Variants in REV1 observed in about 807,000 individuals in gnomAD.
REV1 encodes the protein REV1 DNA directed polymerase.
A neutral mutation model predicts 137.4 loss-of-function variants in REV1; 42 were observed. The observed-to-expected ratio is 0.31, with a 90% confidence interval of 0.24 to 0.40. REV1 has a LOEUF of 0.40. Among genes scored for constraint, REV1 ranks in the 10% least tolerant of loss-of-function variants. The probability of loss-of-function intolerance (pLI) is 1.00; values close to 1 mark genes in which losing one functional copy is unlikely to be tolerated. For missense variants in REV1, 1,282 were observed against 1,490.1 expected (o/e 0.86, Z 2.30); for synonymous variants, 524 against 519.2 (o/e 1.01, Z -0.12).
chr2:99,445,142 AAC>A (rs1487845106), intron 4 of REV1, among the ~76,000 whole-genome samples: 10 of 152,066 alleles, frequency 6.6e-5, no homozygotes, highest in Non-Finnish European at 1.0e-4. Context: ...AAAAAAAAAA[AAC>A]ACAAGGAATG....
In REV1 at chr2:99,429,902, T is replaced by C; in HGVS notation, c.1485A>G (p.Gln495=). The change falls in exon 9 of 23, where the codon CAA becomes CAG. Residue 495 remains glutamine (Q), a synonymous_variant. Coordinates refer to ENST00000258428, the MANE Select transcript of REV1 (RefSeq NM_016316.4). ...SSLWENPDSA[Q]ANGIDSVLSR... ...ACAAAACAGAATCAATTCCATTTGC[T>C]TGCGCAGAATCTGGATTCTCCCACA... is the stretch of plus-strand genomic sequence containing the variant. 6.2e-7 allele frequency: 1 copy of C among 1,603,728 alleles called. No homozygotes were observed. The highest frequency in any genetic ancestry group is 8.5e-7 in the Non-Finnish European group (1 of 1,175,430).
chr2:99,483,623 T>C (rs1389865868), intron 1 of REV1, among the ~76,000 whole-genome samples: 1 of 152,254 alleles, frequency 6.6e-6, no homozygotes, highest in East Asian at 1.9e-4. Context: ...TGCATTATAA[T>C]AGAGGACAAA....
intron 11 of REV1, among the ~76,000 whole-genome samples, chr2:99,421,082 CAG>C (rs1678601089): frequency 6.6e-6 from 1 of 152,134 alleles, no homozygotes. Context: ...CACTTGGAGT[CAG>C]GGTGACTTCT....
intron 2 of REV1, among the ~76,000 whole-genome samples, chr2:99,464,055 A>G (rs560536239): frequency 6.6e-6 from 1 of 152,358 alleles, no homozygotes; most frequent in East Asian, 1.9e-4. Flanking sequence ...GAATACAATG[A>G]ATGCTCCAGT....
intron 9 of REV1, among the ~76,000 whole-genome samples, chr2:99,427,613 T>C (rs1679555346): frequency 6.6e-6 from 1 of 152,172 alleles, no homozygotes; most frequent in African/African-American, 2.4e-5. Flanking sequence ...ATTTCTCTTA[T>C]GCAAATTGTT....
At chr2:99,432,022 T>C in intron 8 of REV1, 1 of 537,056 alleles carries the variant, frequency 1.9e-6, no homozygotes, top group African/African-American at 2.1e-5. Flanking sequence ...AAAACTGAAG[T>C]TGTCGATGGG....
intron 1 of REV1, among the ~76,000 whole-genome samples, chr2:99,469,819 G>A (rs1239859677): frequency 6.6e-6 from 1 of 151,990 alleles, no homozygotes; most frequent in African/African-American, 2.4e-5. Flanking sequence ...TCTACCCCGA[G>A]AATTATGTTT....
chr2:99,402,630 C>T lies in REV1; in HGVS notation c.3541+14G>A. The T allele has an allele frequency of 6.2e-7, 1 of 1,611,436 alleles. No homozygotes were observed. The highest frequency in any genetic ancestry group is 8.5e-7 in the Non-Finnish European group (1 of 1,178,214). On this transcript the variant is annotated intron_variant, in intron 21 of 22. Transcript: ENST00000258428. Reference sequence around the variant, plus strand: ...CATCTCAGCCTTGGGCCATCTAACACAGGCCAAGCCAACCTGAAATTGTAG... The same window carrying T: ...CATCTCAGCCTTGGGCCATCTAACATAGGCCAAGCCAACCTGAAATTGTAG...
At chr2:99,478,769 C>A (rs1354405677) in intron 1 of REV1, among the ~76,000 whole-genome samples, 1 of 152,186 alleles carries the variant, frequency 6.6e-6, no homozygotes, top group Admixed American at 6.5e-5. Context: ...AGATGCTGGG[C>A]CCCAACTCCA....
At chr2:99,465,543 G>C (rs1684698973) in intron 1 of REV1, among the ~76,000 whole-genome samples, 1 of 152,132 alleles carries the variant, frequency 6.6e-6, no homozygotes, top group Non-Finnish European at 1.5e-5. Context: ...TTCTCCTTAA[G>C]GCAACACTTA....
chr2:99,435,988 T>C (rs1680699009), intron 6 of REV1, 47 bp from the exon 7 acceptor site: 7 of 1,032,484 alleles, frequency 6.8e-6, no homozygotes, highest in African/African-American at 1.6e-5. Flanking sequence ...ATTTTTACTA[T>C]TTAAAACATC....
At chr2:99,484,150 C>T (rs913730977) in intron 1 of REV1, among the ~76,000 whole-genome samples, 2 of 152,140 alleles carry the variant, frequency 1.3e-5, no homozygotes, top group African/African-American at 4.8e-5. Context: ...CACATGTTCT[C>T]ACTTGCAAGT....
rs774388913 is a variant in REV1 at position 99,429,838 on chromosome 2, A to T, written c.1547+2T>A. 1 of 1,554,482 alleles carries T rather than the reference A, an allele frequency of 6.4e-7. No homozygotes were observed. Among genetic ancestry groups the T allele is most frequent in the East Asian group, 2.3e-5 (1 of 43,800 alleles). ...GAATTGTAACACACAACTTCTACAT[A>T]CCTGGCCTCATAACTACAAGATGCA... On this transcript the variant is annotated splice_donor_variant, in intron 9 of 22. Coordinates refer to ENST00000258428, the MANE Select transcript of REV1 (RefSeq NM_016316.4). LOFTEE classifies it high-confidence loss of function.
At chr2:99,463,604 T>C (rs1332477941) in intron 2 of REV1, among the ~76,000 whole-genome samples, 1 of 152,168 alleles carries the variant, frequency 6.6e-6, no homozygotes, top group Non-Finnish European at 1.5e-5. Context: ...AATTACAAAT[T>C]TGACAAGTGG....
At chr2:99,402,103 C>T (rs1675542556) in intron 22 of REV1, 141 bp downstream of exon 22, 1 of 542,016 alleles carries the variant, frequency 1.8e-6, no homozygotes, top group Non-Finnish European at 3.3e-6. Flanking sequence ...GCTACTTAGT[C>T]AACATGGCAA....
At chr2:99,467,569 T>C (rs186276448) in intron 1 of REV1, among the ~76,000 whole-genome samples, 1 of 152,270 alleles carries the variant, frequency 6.6e-6, no homozygotes, top group East Asian at 1.9e-4. Flanking sequence ...GAAGAGTGGC[T>C]GGGAGACTGG....
At position 99,406,364 on chromosome 2, in the gene REV1, G is replaced by C. The variant is rs746725324; in HGVS notation, c.2575C>G (p.Gln859Glu). 7.4e-6 allele frequency: 12 copies of C among 1,613,014 alleles called. No homozygotes were observed. The highest frequency in any genetic ancestry group is 1.7e-5 in the Admixed American group (1 of 59,880). Residue 859 changes from glutamine (Q) to glutamate (E), a missense_variant, in exon 16 of 23, where the codon CAG (glutamine) becomes GAG (glutamate). Around this residue, in one of 7 missense-constraint regions of REV1, gnomAD observed 372 missense variants for 482.3 expected, o/e 0.77. Transcript: ENST00000258428. Reference protein sequence around the residue: ...SYSVRDVFQVQKAKKSTEEEH... With the variant: ...SYSVRDVFQVEKAKKSTEEEH... Reference sequence around the variant, plus strand: ...TCTTCGGTGGATTTCTTAGCTTTCTGAACTTGGAAGACATCACGGACAGAG... The same window carrying C: ...TCTTCGGTGGATTTCTTAGCTTTCTCAACTTGGAAGACATCACGGACAGAG...
intron 1 of REV1, among the ~76,000 whole-genome samples, chr2:99,472,418 C>T (rs546184447): frequency 6.6e-6 from 1 of 152,258 alleles, no homozygotes; most frequent in East Asian, 1.9e-4. Flanking sequence ...CAGGTAGAGT[C>T]TCAGGCAAGG....
In REV1 at chr2:99,426,482, C is replaced by G. The variant is rs148042702; in HGVS notation, c.1548-2202G>C. Among the ~76,000 whole-genome samples the G allele has an allele frequency of 2.9e-3, 444 of 152,236 alleles. 3 individuals carry two copies. Among genetic ancestry groups the G allele is most frequent in the African/African-American group, 0.01 (430 of 41,526 alleles). On this transcript the variant is annotated intron_variant, in intron 9 of 22. Coordinates refer to ENST00000258428, the MANE Select transcript of REV1 (RefSeq NM_016316.4). ...TACTTAGTAAAATATAGTACATCTACTTATGTACTCATGTAAAATGTACCC... is the reference window on the plus strand; with the variant it reads ...TACTTAGTAAAATATAGTACATCTAGTTATGTACTCATGTAAAATGTACCC...
Sources: allele counts gnomAD v4.1 joint callset (sites outside exome capture counted in the v4.1 genomes callset), GRCh38; gene constraint gnomAD v4.1.1; regional missense constraint gnomAD v4.1.1; transcripts MANE v1.5; gene names NCBI Gene and HGNC (gene_info 2026-07-23, HGNC 2026-07-21).